USE1: variants seen among roughly 807,000 people sequenced by gnomAD.
USE1 encodes vesicle transport protein USE1.
A neutral mutation model predicts 37.6 loss-of-function variants in USE1; 32 were observed. That is an observed-to-expected ratio of 0.85 (90% CI 0.64 to 1.14). The LOEUF is 1.14. Ranked by LOEUF, USE1 falls within the 50% of genes most tolerant of loss-of-function variation. The pLI, the probability that USE1 is intolerant of heterozygous loss-of-function variation, is 0.00. For synonymous variants in USE1, 149 were observed against 137.6 expected, an observed-to-expected ratio of 1.08 and a Z score of -0.58; for missense variants, 310 against 332.2, an observed-to-expected ratio of 0.93 and a Z score of 0.52.
intron 4 of USE1, among the ~76,000 whole-genome samples, chr19:17,216,708 G>A (rs930774669): frequency 5.9e-5 from 9 of 152,154 alleles, no homozygotes; most frequent in South Asian, 2.1e-4. Context: ...GGCCAGGTGC[G>A]GCAGCTCACG....
intron 1 of USE1, 22 bp from the exon 2 acceptor site, chr19:17,215,780 A>C: frequency 7.0e-7 from 1 of 1,425,032 alleles, no homozygotes; most frequent in South Asian, 1.2e-5. Flanking sequence ...CCCCCGGGTG[A>C]CAATCCACTT....
chr19:17,217,353 C>T lies in USE1; in HGVS notation c.385-100C>T, dbSNP rs190598341. On this transcript the variant is annotated intron_variant, in intron 4 of 7. Coordinates refer to ENST00000263897, the MANE Select transcript of USE1 (RefSeq NM_018467.4). ...ATTTCATTATGTTGGCCAGGCTGGT[C>T]TCGAACTTCTGACCTCAGGTGATCT... 266 of 1,347,486 alleles carry T rather than the reference C, an allele frequency of 2.0e-4. No homozygotes were observed. In the African/African-American group the frequency reaches 3.3e-3, roughly 16 times the overall value. 83.5% of individuals were successfully genotyped at this position (1,347,486 alleles called of 1,614,324 possible).
rs368116859 is a variant in USE1, at chr19:17,215,398, G to A, written c.-8G>A. On this transcript the variant is annotated 5_prime_UTR_variant, in exon 1 of 8. Coordinates refer to ENST00000263897, the MANE Select transcript of USE1 (RefSeq NM_018467.4). ...CCGGCGGAAGGGGTGGTGTAGGGCC[G>A]GGCGATAATGGCGGCGTCGAGGCTG... The A allele has an allele frequency of 1.3e-6, 2 of 1,554,902 alleles. No individual in the cohort carries two copies. The highest frequency in any genetic ancestry group is 2.7e-5 in the African/African-American group (2 of 73,294).
chr19:17,218,486 C>A, intron 6 of USE1, 95 bp downstream of exon 6: 1 of 1,534,320 alleles, frequency 6.5e-7, no homozygotes, highest in Admixed American at 1.9e-5. Flanking sequence ...GAGGCACTAC[C>A]ACAAGGATCT....
chr19:17,217,682 C>A, intron 5 of USE1: 1 of 631,322 alleles, frequency 1.6e-6, no homozygotes, highest in Non-Finnish European at 2.8e-6. Context: ...GAGGCTGAGG[C>A]AGGTGGATCA....
chr19:17,216,278 G>A lies in USE1; in HGVS notation c.341G>A (p.Arg114Gln), dbSNP rs202069031. The A allele has an allele frequency of 2.3e-5, 37 of 1,612,922 alleles. No individual in the cohort carries two copies. Among genetic ancestry groups the A allele is most frequent in the Non-Finnish European group, 2.8e-5 (33 of 1,179,828 alleles). Residue 114 changes from arginine to glutamine, a missense_variant, in exon 4 of 8, where the codon CGG becomes CAG. Transcript: ENST00000263897. The stretch of plus-strand genomic sequence containing the variant: ...ACAAAGACGGTGCATCTGCAGTCAC[G>A]GGCGCGGTACACCAGCGAGATGCGG... ...PATKTVHLQS[R>Q]ARYTSEMRSE...
chr19:17,217,895 G>C (rs2073300400), intron 5 of USE1: 2 of 340,760 alleles, frequency 5.9e-6, no homozygotes. Flanking sequence ...CGGGGCGACA[G>C]AGCAAGACTC....
Position 17,218,411 on chromosome 19 carries a change from G to C in USE1, c.422+20G>C, listed in dbSNP as rs755940871. 4 of 1,613,564 alleles carry C rather than the reference G, an allele frequency of 2.5e-6. No individual in the cohort carries two copies. Among genetic ancestry groups the C allele is most frequent in the Non-Finnish European group, 3.4e-6 (4 of 1,179,698 alleles). On this transcript the variant is annotated intron_variant, in intron 6 of 7. Transcript: ENST00000263897. ...GAGAACGTGAGTGTCTGCGGCCCTG[G>C]GGCAGTAGTGGCAATTGGGCGGTGC...
chr19:17,217,932 A>C (rs2073300664), intron 5 of USE1: 3 of 349,086 alleles, frequency 8.6e-6, no homozygotes, highest in Non-Finnish European at 1.7e-5. Flanking sequence ...AAAGCAAAAA[A>C]ATTAGCCAGG....
chr19:17,216,720 C>T (rs1390718854), intron 4 of USE1, among the ~76,000 whole-genome samples: 1 of 152,186 alleles, frequency 6.6e-6, no homozygotes, highest in Non-Finnish European at 1.5e-5. Context: ...CAGCTCACGC[C>T]TGTAATCCCA....
chr19:17,219,262 C>T lies in USE1; in HGVS notation c.472C>T (p.Leu158=). 1 of 1,613,830 alleles carries T rather than the reference C, an allele frequency of 6.2e-7. No individual in the cohort carries two copies. The highest frequency in any genetic ancestry group is 2.2e-5 in the East Asian group (1 of 44,872). The change falls in exon 7 of 8, where the codon CTA becomes TTA. Residue 158 remains leucine (L), a synonymous_variant. Coordinates refer to ENST00000263897, the MANE Select transcript of USE1 (RefSeq NM_018467.4). ...PVSEKQLAAE[L]DLVLQRHQNL... is the part of the protein sequence containing the mutation. ...GAGTGAGAAGCAGTTGGCAGCTGAGCTAGACCTCGTCCTGCAGCGACATCA... is the reference window on the plus strand; with the variant it reads ...GAGTGAGAAGCAGTTGGCAGCTGAGTTAGACCTCGTCCTGCAGCGACATCA...
intron 4 of USE1, among the ~76,000 whole-genome samples, 169 bp from the exon 5 acceptor site, chr19:17,217,284 C>T (rs1234563318): frequency 6.6e-6 from 1 of 151,806 alleles, no homozygotes; most frequent in Non-Finnish European, 1.5e-5. Flanking sequence ...CACAGGCACC[C>T]CCACCACACC....
chr19:17,218,926 A>T, intron 6 of USE1: 1 of 228,872 alleles, frequency 4.4e-6, no homozygotes, highest in Non-Finnish European at 8.4e-6. Flanking sequence ...CAGGGGTTCG[A>T]GACCACCCTG....
rs1370576652 is a variant in USE1, at chr19:17,215,393, G to A, written c.-13G>A. 2.6e-6 allele frequency: 4 copies of A among 1,553,448 alleles called. No homozygotes were observed. The highest frequency in any genetic ancestry group is 2.4e-5 in the East Asian group (1 of 41,148). On this transcript the variant is annotated 5_prime_UTR_variant, in exon 1 of 8. It removes the in-frame stop codon of an upstream open reading frame in the 5' UTR. Transcript: ENST00000263897. ...TGGAGCCGGCGGAAGGGGTGGTGTA[G>A]GGCCGGGCGATAATGGCGGCGTCGA...
At chr19:17,217,136 CTTTT>C (rs35846876) in intron 4 of USE1, among the ~76,000 whole-genome samples, 21 of 128,620 alleles carry the variant, frequency 1.6e-4, no homozygotes, top group Middle Eastern at 8.1e-3. Flanking sequence ...ATGGCATTTA[CTTTT>C]TTTTTTTTTT....
In USE1 at chr19:17,219,405, G is replaced by A. The variant is rs1393752173; in HGVS notation, c.597+18G>A. 6.5e-7 allele frequency: 1 copy of A among 1,547,114 alleles called. No homozygotes were observed. Among genetic ancestry groups the A allele is most frequent in the South Asian group, 1.2e-5 (1 of 84,032 alleles). On this transcript the variant is annotated intron_variant, in intron 7 of 7. Transcript: ENST00000263897. ...ACAACCAGGTGTGGGGACTGGGGGAGCTCTCCAGCCTCTGCCCTGGGGCAT... is the reference window on the plus strand; with the variant it reads ...ACAACCAGGTGTGGGGACTGGGGGAACTCTCCAGCCTCTGCCCTGGGGCAT...
At chr19:17,219,538 C>A (rs181554197) in intron 7 of USE1, 93 bp from the exon 8 acceptor site, 292 of 1,466,128 alleles carry the variant, frequency 2.0e-4, no homozygotes, top group Non-Finnish European at 2.4e-4. Context: ...ACAGCACCAG[C>A]AAGCGACAAG....
In USE1 at chr19:17,215,607, C is replaced by T. The variant is rs574822744; in HGVS notation, c.102+100C>T. 3.8e-5 allele frequency: 54 copies of T among 1,429,724 alleles called. No homozygotes were observed. The African/African-American group carries it at 4.9e-4, about 13-fold the overall frequency. 88.6% of individuals were successfully genotyped at this position (1,429,724 alleles called of 1,614,324 possible). A position where few individuals can be genotyped will look rare whatever the true frequency, so the allele number is the denominator to read the frequency against. ...CGACTCCCCGGCCCCAGTAGCCTCT[C>T]GGGCAGCGCCCTTTCCGGTCAGTCC... On this transcript the variant is annotated intron_variant, in intron 1 of 7. Transcript: ENST00000263897.
chr19:17,215,963 G>A, intron 2 of USE1, 29 bp from the exon 3 acceptor site: 1 of 1,588,350 alleles, frequency 6.3e-7, no homozygotes, highest in Non-Finnish European at 8.6e-7. Flanking sequence ...CCATGGACAG[G>A]TTTTGTTTTT....
Sources: allele counts gnomAD v4.1 joint callset (sites outside exome capture counted in the v4.1 genomes callset), GRCh38; gene constraint gnomAD v4.1.1; transcripts MANE v1.5; gene names NCBI Gene and HGNC (gene_info 2026-07-23, HGNC 2026-07-21).